Variants in VPS13D observed in about 807,000 individuals in gnomAD.
The protein encoded by VPS13D is vacuolar protein sorting 13 homolog D, also known as intermembrane lipid transfer protein VPS13D.
A neutral mutation model predicts 461.9 loss-of-function variants in VPS13D; 187 were observed. The ratio of observed to expected loss-of-function variants is 0.40; its 90% CI spans 0.36 to 0.46. The LOEUF (loss-of-function observed/expected upper bound fraction) is 0.46. Ranked by LOEUF, VPS13D falls within the 20% of genes least tolerant of loss-of-function variation. The pLI is 0.60. For missense variants in VPS13D, 4,711 were observed against 5,364.9 expected, an observed-to-expected ratio of 0.88 and a Z score of 3.81; for synonymous variants, 1,951 against 1,986.3, an observed-to-expected ratio of 0.98 and a Z score of 0.47.
At position 12,329,921 on chromosome 1, in the gene VPS13D, C is replaced by G. The variant is rs572430978; in HGVS notation, c.8287+3C>G. On this transcript the variant is annotated splice_donor_region_variant and intron_variant, in intron 37 of 69. Coordinates refer to ENST00000620676, the MANE Select transcript of VPS13D (RefSeq NM_015378.4). ...TTATTATAACCGTGCTCTTTCAGGT[C>G]AGTATAAAGCATATGTTATCATGGG... 8.8e-6 allele frequency: 14 copies of G among 1,591,862 alleles called. No individual in the cohort carries two copies. The highest frequency in any genetic ancestry group is 2.7e-5 in the African/African-American group (2 of 73,586).
chr1:12,384,727 C>T (rs1644328484), intron 58 of VPS13D, among the ~76,000 whole-genome samples: 1 of 152,214 alleles, frequency 6.6e-6, no homozygotes, highest in South Asian at 2.1e-4. Context: ...TCAGGTGATC[C>T]TCCCACCTCA....
chr1:12,325,409 G>A (rs1468946967), intron 35 of VPS13D, among the ~76,000 whole-genome samples: 2 of 152,044 alleles, frequency 1.3e-5, no homozygotes, highest in Admixed American at 6.6e-5. Context: ...ACAGGTGCCC[G>A]CCACCATGCC....
intron 67 of VPS13D, among the ~76,000 whole-genome samples, chr1:12,481,053 G>C (rs1645708722): frequency 1.3e-5 from 2 of 152,196 alleles, no homozygotes; most frequent in African/African-American, 4.8e-5. Flanking sequence ...TTTGCCCCCA[G>C]GTCCAGAGGG....
At chr1:12,506,190 G>A (rs1646103429) in intron 68 of VPS13D, among the ~76,000 whole-genome samples, 1 of 152,234 alleles carries the variant, frequency 6.6e-6, no homozygotes. Flanking sequence ...AGAGAGGTTT[G>A]ATGTGCATAA....
At chr1:12,405,280 G>T (rs183029599) in intron 63 of VPS13D, among the ~76,000 whole-genome samples, 14 of 152,342 alleles carry the variant, frequency 9.2e-5, no homozygotes, top group Admixed American at 8.5e-4. Context: ...GGATTTTTAT[G>T]TGGAATCTCC....
chr1:12,248,842 T>C (rs1640641445), intron 5 of VPS13D, among the ~76,000 whole-genome samples: 1 of 150,550 alleles, frequency 6.6e-6, no homozygotes, highest in African/African-American at 2.5e-5. Context: ...ATGGCTTTGC[T>C]TTCTTTAATT....
chr1:12,489,323 C>T (rs1030767627), intron 67 of VPS13D, among the ~76,000 whole-genome samples: 7 of 152,322 alleles, frequency 4.6e-5, no homozygotes, highest in Admixed American at 3.9e-4. Flanking sequence ...CCCCTATAAA[C>T]AAGTCAGGTG....
intron 26 of VPS13D, among the ~76,000 whole-genome samples, chr1:12,306,827 A>G (rs1642578225): frequency 6.6e-6 from 1 of 152,174 alleles, no homozygotes. Context: ...GATTCTCATA[A>G]GGAGCACACA....
chr1:12,276,241 C>T lies in VPS13D; in HGVS notation c.2653C>T (p.His885Tyr). ...LSGNLPDLKIHINEDKISALK... is the reference protein window; with the variant it reads ...LSGNLPDLKIYINEDKISALK... Reference sequence around the variant, plus strand: ...AGGCAACTTACCAGACTTAAAAATCCACATTAATGAAGATAAAATATCTGC... The same window carrying T: ...AGGCAACTTACCAGACTTAAAAATCTACATTAATGAAGATAAAATATCTGC... Residue 885 changes from histidine (H) to tyrosine (Y), a missense_variant, in exon 19 of 70, where the codon CAC becomes TAC. Physicochemically the swap from His to Tyr is moderately conservative, Grantham distance 83 (BLOSUM62 2). Around this residue, in one of 3 missense-constraint regions of VPS13D, gnomAD observed 4,411 missense variants for 4,937.8 expected, o/e 0.89. Coordinates refer to ENST00000620676, the MANE Select transcript of VPS13D (RefSeq NM_015378.4). This position sits in a 1 kb window ranked among gnomAD's most constrained non-coding sequence, Gnocchi z 4.5. 1.2e-6 allele frequency: 2 copies of T among 1,613,906 alleles called. No individual in the cohort carries two copies. Among genetic ancestry groups the T allele is most frequent in the Non-Finnish European group, 1.7e-6 (2 of 1,179,986 alleles).
intron 67 of VPS13D, among the ~76,000 whole-genome samples, chr1:12,478,073 C>G (rs1645657498): frequency 6.6e-6 from 1 of 152,232 alleles, no homozygotes; most frequent in African/African-American, 2.4e-5. Flanking sequence ...ATGTGACATT[C>G]AGGAGCAGCT....
chr1:12,428,905 C>T (rs1644958179), intron 65 of VPS13D, among the ~76,000 whole-genome samples: 1 of 152,098 alleles, frequency 6.6e-6, no homozygotes, highest in East Asian at 1.9e-4. Context: ...AATGATAATC[C>T]AGAGGAAATA....
intron 46 of VPS13D, among the ~76,000 whole-genome samples, chr1:12,350,829 C>G (rs559270484): frequency 6.6e-6 from 1 of 151,946 alleles, no homozygotes; most frequent in Non-Finnish European, 1.5e-5. Context: ...ACAGAACACA[C>G]AAATTACCAA....
Position 12,373,871 on chromosome 1 carries a change from A to G in VPS13D, c.10917+13A>G. 1 of 1,594,142 alleles carries G rather than the reference A, an allele frequency of 6.3e-7. No individual in the cohort carries two copies. The highest frequency in any genetic ancestry group is 8.6e-7 in the Non-Finnish European group (1 of 1,166,926). On this transcript the variant is annotated intron_variant, in intron 55 of 69. Coordinates refer to ENST00000620676, the MANE Select transcript of VPS13D (RefSeq NM_015378.4). ...TTTAAAAAAGAAGGTAAGAGAGCTT[A>G]CAATCAGAGTTTAGAATACAAGGTT...
chr1:12,320,307 G>T (rs1255056147), intron 32 of VPS13D, among the ~76,000 whole-genome samples: 1 of 152,202 alleles, frequency 6.6e-6, no homozygotes, highest in Non-Finnish European at 1.5e-5. Context: ...GGAGACAGAA[G>T]GGGAATCGTG....
At chr1:12,351,580 G>A (rs141646716) in intron 46 of VPS13D, among the ~76,000 whole-genome samples, 2,864 of 150,990 alleles carry the variant, frequency 0.019, 106 homozygotes, top group Admixed American at 0.099. Flanking sequence ...GTGAGCCACC[G>A]TGCCCAGCCA....
At chr1:12,352,903 T>TGCA (rs1199950775) in intron 46 of VPS13D, among the ~76,000 whole-genome samples, 2 of 129,872 alleles carry the variant, frequency 1.5e-5, no homozygotes, top group African/African-American at 3.0e-5. Flanking sequence ...AGGCAGAGGT[T>TGCA]GCAGTGAGCC....
In VPS13D at chr1:12,507,512, C is replaced by G. The variant is rs1646127832; in HGVS notation, c.13035+419C>G. ...CATTGTTTCTCCTTAACAGTGGAAA[C>G]CGTAACTTTTGTTCTAGTAGCATCT... On this transcript the variant is annotated intron_variant, in intron 69 of 69. Transcript: ENST00000620676. The surrounding 1 kb of genome is among the most constrained non-coding windows in gnomAD (Gnocchi z 5.3). 2 of 460,974 alleles carry G rather than the reference C, an allele frequency of 4.3e-6. No homozygotes were observed. Among genetic ancestry groups the G allele is most frequent in the Non-Finnish European group, 8.6e-6 (2 of 232,368 alleles). The allele number at this position is 460,974 out of a possible 1,614,324, so 28.6% of individuals were successfully genotyped here.
At chr1:12,351,835 GC>G (rs1045955493) in intron 46 of VPS13D, among the ~76,000 whole-genome samples, 1 of 142,892 alleles carries the variant, frequency 7.0e-6, no homozygotes, top group Non-Finnish European at 1.5e-5. Context: ...CAAGCAGTCT[GC>G]CCACTTTGGC....
In VPS13D at chr1:12,244,734, G is replaced by A. The variant is rs1224303297; in HGVS notation, c.447+117G>A. 5 of 933,418 alleles carry A rather than the reference G, an allele frequency of 5.4e-6. No homozygotes were observed. In the East Asian group the frequency reaches 1.3e-4, roughly 24 times the overall value. The allele number at this position is 933,418 out of a possible 1,614,324, so 57.8% of individuals were successfully genotyped here. ...GGCTCAGCTGATCTAGGGTGTAGAT[G>A]GGGCTGGCTGCTCAGGTCTGCCCTT... On this transcript the variant is annotated intron_variant, in intron 5 of 69. Transcript: ENST00000620676.
Sources: gnomAD v4.1 joint callset for allele counts (sites outside exome capture counted in the v4.1 genomes callset) on GRCh38, gnomAD v4.1.1 for gene constraint, gnomAD v4.1.1 regional missense constraint, Gnocchi (gnomAD v3.1) non-coding constraint, MANE v1.5 for transcripts, NCBI Gene and HGNC (gene_info 2026-07-23, HGNC 2026-07-21) for gene names.